Variants in GREB1 observed in about 807,000 individuals in gnomAD.
GREB1 encodes growth regulating estrogen receptor binding 1, also known as protein GREB1.
A neutral mutation model predicts 200.7 loss-of-function variants in GREB1; 106 were observed. The ratio of observed to expected loss-of-function variants is 0.53; its 90% CI spans 0.45 to 0.62. GREB1 has a LOEUF of 0.62. Ranked by LOEUF, GREB1 falls within the 20% of genes least tolerant of loss-of-function variation. The pLI, the probability that GREB1 is intolerant of heterozygous loss-of-function variation, is 0.00. For missense variants in GREB1, 2,243 were observed against 2,556.8 expected (o/e 0.88, Z 2.65); for synonymous variants, 1,132 against 1,092.4 (o/e 1.04, Z -0.72).
At chr2:11,607,578 A>G (rs190111171) in intron 17 of GREB1, among the ~76,000 whole-genome samples, 1 of 68,696 alleles carries the variant, frequency 1.5e-5, no homozygotes, top group East Asian at 3.3e-4. Flanking sequence ...ATATATACAC[A>G]TATATACATA....
chr2:11,615,190 C>T lies in GREB1; in HGVS notation c.3222C>T (p.Asn1074=), dbSNP rs16857699. 17,128 of 1,614,062 alleles carry T rather than the reference C, an allele frequency of 0.011. 1,486 individuals carry two copies. In the African/African-American group the frequency reaches 0.2, roughly 18 times the overall value. The change falls in exon 20 of 33, where the codon AAC becomes AAT. Residue 1074 remains asparagine (N), a synonymous_variant. Transcript: ENST00000381486. ...GCCTGGCTGCCTACTTTGTGAGCAA[C>T]GAGGTTCCCTTGGAGAAGGGGGCTA... The part of the protein sequence containing the change: ...ELGLAAYFVS[N]EVPLEKGARN...
chr2:11,538,611 TTC>T (rs1365145087), intron 1 of GREB1, among the ~76,000 whole-genome samples: 1 of 2,878 alleles, frequency 3.5e-4, no homozygotes, highest in Non-Finnish European at 1.1e-3. Context: ...GAGCTTGTGT[TTC>T]TTTCTTTCTT....
chr2:11,517,921 G>A (rs576541169), intron 1 of GREB1, among the ~76,000 whole-genome samples: 28 of 152,282 alleles, frequency 1.8e-4, no homozygotes, highest in Admixed American at 1.7e-3. Context: ...CCAAAGTGCT[G>A]GGATTATAAC....
At chr2:11,551,770 G>C (rs1290702629) in intron 1 of GREB1, among the ~76,000 whole-genome samples, 1 of 152,110 alleles carries the variant, frequency 6.6e-6, no homozygotes, top group Non-Finnish European at 1.5e-5. Flanking sequence ...CCCGGTCATG[G>C]AACCAAGAAG....
chr2:11,519,122 A>G (rs1477875592), intron 1 of GREB1, among the ~76,000 whole-genome samples: 1 of 151,772 alleles, frequency 6.6e-6, no homozygotes, highest in Non-Finnish European at 1.5e-5. Flanking sequence ...AAAAGGAAAA[A>G]TCCCCTCGAA....
chr2:11,583,926 G>A (rs1679787020), intron 7 of GREB1, among the ~76,000 whole-genome samples: 1 of 152,128 alleles, frequency 6.6e-6, no homozygotes, highest in Admixed American at 6.5e-5. Context: ...CCAGAGATGT[G>A]ATTCTGGAGG....
At chr2:11,598,080 C>CAAG in intron 14 of GREB1, 102 bp downstream of exon 14, 1 of 843,340 alleles carries the variant, frequency 1.2e-6, no homozygotes, top group Non-Finnish European at 2.1e-6. Context: ...GTGAATAGGG[C>CAAG]AAGTATTGCT....
In GREB1 at chr2:11,629,018, T is replaced by A. The variant is rs564702615; in HGVS notation, c.4450-930T>A. 2.3e-3 allele frequency among the ~76,000 whole-genome samples: 349 copies of A among 152,316 alleles called. No homozygotes were observed. The highest frequency in any genetic ancestry group is 4.2e-3 in the Non-Finnish European group (288 of 68,020). On this transcript the variant is annotated intron_variant, in intron 25 of 32. Transcript: ENST00000381486. The surrounding 1 kb of genome is among the most constrained non-coding windows in gnomAD (Gnocchi z 5.2). ...TTTGCCTCCCAAGGCTCCCTTGACC[T>A]TTTTTATGAAACTGCCTCAGTGTGT...
At chr2:11,542,410 G>A (rs1289103305) in intron 1 of GREB1, among the ~76,000 whole-genome samples, 1 of 152,072 alleles carries the variant, frequency 6.6e-6, no homozygotes, top group Non-Finnish European at 1.5e-5. Context: ...TGGGATCATC[G>A]GCAGAGTCAA....
chr2:11,562,323 A>G, intron 2 of GREB1, 140 bp from the exon 3 acceptor site: 1 of 1,026,144 alleles, frequency 9.7e-7, no homozygotes. Context: ...CTTGTTAAGG[A>G]TGGGTGGAAC....
At position 11,593,467 on chromosome 2, in the gene GREB1, T is replaced by C. The variant is rs566136895; in HGVS notation, c.1696+341T>C. Reference sequence around the variant, plus strand: ...TATTGGAGATAAGAAACAATGCCCTTGTTGTGTTGTCTGTGTTCAGGAGCC... The same window carrying C: ...TATTGGAGATAAGAAACAATGCCCTCGTTGTGTTGTCTGTGTTCAGGAGCC... On this transcript the variant is annotated intron_variant, in intron 11 of 32. Transcript: ENST00000381486. Among the ~76,000 whole-genome samples, 126 of 152,308 alleles carry C rather than the reference T, an allele frequency of 8.3e-4. 2 individuals carry two copies. The highest frequency in any genetic ancestry group is 1.8e-3 in the Admixed American group (28 of 15,310).
At chr2:11,482,913 G>C (rs1672540219) in intron 1 of GREB1, among the ~76,000 whole-genome samples, 1 of 151,398 alleles carries the variant, frequency 6.6e-6, no homozygotes, top group Non-Finnish European at 1.5e-5. Flanking sequence ...CTCCGTCGGC[G>C]GCGGGCGCTC....
chr2:11,539,147 G>C (rs1020350323), intron 1 of GREB1, among the ~76,000 whole-genome samples: 1 of 151,058 alleles, frequency 6.6e-6, no homozygotes, highest in Non-Finnish European at 1.5e-5. Flanking sequence ...CTGCCTCCTG[G>C]GCTCAAGCGA....
intron 16 of GREB1, 151 bp from the exon 17 acceptor site, chr2:11,602,255 A>C: frequency 1.5e-6 from 1 of 650,878 alleles, no homozygotes; most frequent in South Asian, 2.0e-5. Context: ...TGCAGATGGA[A>C]GAAGTTTATA....
intron 9 of GREB1, chr2:11,587,342 C>T (rs748568247): frequency 6.9e-7 from 1 of 1,440,380 alleles, no homozygotes; most frequent in South Asian, 1.1e-5. Flanking sequence ...ACATACTTGC[C>T]TTTATAGCAA....
intron 1 of GREB1, among the ~76,000 whole-genome samples, chr2:11,488,513 G>T (rs768004256): frequency 6.6e-6 from 1 of 152,050 alleles, no homozygotes; most frequent in Admixed American, 6.6e-5. Flanking sequence ...GAAAGAGGCC[G>T]GGTGCAGTGG....
chr2:11,590,750 G>A (rs1014520175), intron 10 of GREB1, among the ~76,000 whole-genome samples: 2 of 152,160 alleles, frequency 1.3e-5, no homozygotes, highest in African/African-American at 4.8e-5. Flanking sequence ...TCCTTTTCCC[G>A]ATGTCCCATA....
chr2:11,515,158 TATCC>T (rs542493949), intron 1 of GREB1, among the ~76,000 whole-genome samples: 55 of 142,382 alleles, frequency 3.9e-4, no homozygotes, highest in Non-Finnish European at 5.4e-4. Flanking sequence ...TCCGTCCATC[TATCC>T]ATCCATCCAT....
chr2:11,564,281 G>C (rs1420192070), intron 3 of GREB1, among the ~76,000 whole-genome samples: 1 of 152,108 alleles, frequency 6.6e-6, no homozygotes, highest in Non-Finnish European at 1.5e-5. Context: ...CTCGGCCCTC[G>C]ATGGGCTGCT....
Sources: allele counts gnomAD v4.1 joint callset (sites outside exome capture counted in the v4.1 genomes callset), GRCh38; gene constraint gnomAD v4.1.1; non-coding constraint Gnocchi (gnomAD v3.1); transcripts MANE v1.5; gene names NCBI Gene and HGNC (gene_info 2026-07-23, HGNC 2026-07-21).